The following ADAMTS19 variants were observed in gnomAD, a reference collection of about 807,000 sequenced individuals.
ADAMTS19 encodes A disintegrin and metalloproteinase with thrombospondin motifs 19.
Under a neutral mutation model 153.3 loss-of-function variants are expected in ADAMTS19, and 93 were observed. The observed-to-expected ratio is 0.61, with a 90% confidence interval of 0.51 to 0.72. The LOEUF is 0.72. Among genes scored for constraint, ADAMTS19 ranks in the 30% least tolerant of loss-of-function variants. The probability of loss-of-function intolerance (pLI) is 0.00; values close to 1 mark genes in which losing one functional copy is unlikely to be tolerated. For synonymous variants in ADAMTS19, 600 were observed against 556.6 expected (o/e 1.08, Z -1.10); for missense variants, 1,482 against 1,552.1 (o/e 0.95, Z 0.76).
intron 13 of ADAMTS19, 113 bp downstream of exon 13, chr5:129,649,083 T>C (rs1753198941): frequency 1.9e-6 from 2 of 1,060,056 alleles, no homozygotes; most frequent in South Asian, 1.9e-5. Flanking sequence ...TTCTGAACTT[T>C]AATTTTTTCT....
chr5:129,618,169 A>T (rs72790700), intron 8 of ADAMTS19, among the ~76,000 whole-genome samples: 10,032 of 152,150 alleles, frequency 0.066, 570 homozygotes, highest in African/African-American at 0.16. Context: ...CTGCCTTCTA[A>T]TATTTTAATT....
At chr5:129,460,987 T>A (rs1749627255) in intron 1 of ADAMTS19, 115 bp from the exon 2 acceptor site, 1 of 1,241,344 alleles carries the variant, frequency 8.1e-7, no homozygotes, top group East Asian at 3.3e-5. Context: ...AGACGGGTGG[T>A]CTCCATTGCA....
intron 8 of ADAMTS19, among the ~76,000 whole-genome samples, chr5:129,597,023 T>C (rs1426267297): frequency 3.9e-5 from 6 of 152,178 alleles, no homozygotes; most frequent in African/African-American, 1.2e-4. Flanking sequence ...AATTCCAGCC[T>C]ATGGTAGTAC....
rs1435524318 is a variant in ADAMTS19, at chr5:129,733,983, GTGTGTGTAA to G, written c.3313-947_3313-939del. Among the ~76,000 whole-genome samples the G allele has an allele frequency of 1.4e-4, 16 of 111,284 alleles. No homozygotes were observed. The South Asian group carries it at 3.8e-3, about 26-fold the overall frequency. The allele number at this position is 111,284 out of a possible 152,430, so 73.0% of individuals were successfully genotyped here. On this transcript the variant is annotated intron_variant, in intron 21 of 22. Transcript: ENST00000274487. ...TGTGTGTGTGTGTGTGTGTGTGTGT[GTGTGTGTAA>G]TAATATGCAGCCAAAAAAGAATGAA...
At chr5:129,701,238 C>T (rs539812742) in intron 19 of ADAMTS19, 150 bp from the exon 20 acceptor site, 4 of 836,572 alleles carry the variant, frequency 4.8e-6, no homozygotes, top group East Asian at 2.6e-5. Context: ...GTGAGGCCTC[C>T]CCAGCCACAT....
At chr5:129,706,264 G>A (rs1440110858) in intron 21 of ADAMTS19, among the ~76,000 whole-genome samples, 2 of 152,154 alleles carry the variant, frequency 1.3e-5, no homozygotes, top group Non-Finnish European at 2.9e-5. Flanking sequence ...CAACTTTGGT[G>A]ATAAATAGAA....
chr5:129,605,565 A>G (rs533230728), intron 8 of ADAMTS19, among the ~76,000 whole-genome samples: 1 of 152,286 alleles, frequency 6.6e-6, no homozygotes, highest in South Asian at 2.1e-4. Context: ...GTCTGGCCTT[A>G]TTCCCCTTTG....
chr5:129,516,263 CT>C (rs1479561674), intron 3 of ADAMTS19, among the ~76,000 whole-genome samples: 1 of 138,582 alleles, frequency 7.2e-6, no homozygotes, highest in East Asian at 2.3e-4. Context: ...ATTTATGTGT[CT>C]TTTTTTCTTT....
At chr5:129,611,093 G>A (rs922562868) in intron 8 of ADAMTS19, among the ~76,000 whole-genome samples, 2 of 152,188 alleles carry the variant, frequency 1.3e-5, no homozygotes, top group South Asian at 4.1e-4. Flanking sequence ...CTTCTTTTGA[G>A]AAGTGTCTGT....
Position 129,608,084 on chromosome 5 carries a change from A to ATG in ADAMTS19, c.1478+11421_1478+11422insGT, listed in dbSNP as rs1315224170. Among the ~76,000 whole-genome samples the ATG allele has an allele frequency of 4.0e-3, 75 of 18,534 alleles. 2 individuals carry two copies. The highest frequency in any genetic ancestry group is 0.042 in the Middle Eastern group (2 of 48). 12.2% of individuals were successfully genotyped at this position (18,534 alleles called of 152,430 possible). A position where few individuals can be genotyped will look rare whatever the true frequency, so the allele number is the denominator to read the frequency against. ...ATATTCATTATATAATTGGAATTTTATATATATGTGTGTGTGTGTGTGTGT... is the reference window on the plus strand; with the variant it reads ...ATATTCATTATATAATTGGAATTTTATGTATATATGTGTGTGTGTGTGTGTGT... On this transcript the variant is annotated intron_variant, in intron 8 of 22. Coordinates refer to ENST00000274487, the MANE Select transcript of ADAMTS19 (RefSeq NM_133638.6).
At chr5:129,460,728 C>G (rs1276477334) in intron 1 of ADAMTS19, 2 of 580,674 alleles carry the variant, frequency 3.4e-6, no homozygotes, top group Admixed American at 6.1e-5. Context: ...TGCAAAGGTA[C>G]GTTTACAGCA....
At chr5:129,546,834 C>T (rs1284195136) in intron 6 of ADAMTS19, among the ~76,000 whole-genome samples, 1 of 150,764 alleles carries the variant, frequency 6.6e-6, no homozygotes. Context: ...GCTACATAAG[C>T]CCTGATGGTT....
intron 21 of ADAMTS19, among the ~76,000 whole-genome samples, chr5:129,721,029 A>G (rs1336009867): frequency 2.0e-5 from 3 of 152,184 alleles, no homozygotes; most frequent in Admixed American, 6.5e-5. Flanking sequence ...CATTGACATC[A>G]TGGTTGACTA....
At chr5:129,663,508 G>A (rs182074299) in intron 15 of ADAMTS19, among the ~76,000 whole-genome samples, 3 of 152,264 alleles carry the variant, frequency 2.0e-5, no homozygotes, top group Admixed American at 1.3e-4. Flanking sequence ...CCATGTTCCT[G>A]TAAATGATGC....
chr5:129,559,791 T>C (rs988130284), intron 7 of ADAMTS19, among the ~76,000 whole-genome samples: 1 of 152,212 alleles, frequency 6.6e-6, no homozygotes, highest in African/African-American at 2.4e-5. Context: ...GTCCTTATTG[T>C]AGGCTGTTAC....
chr5:129,536,630 C>G (rs1425552157), intron 6 of ADAMTS19, among the ~76,000 whole-genome samples: 2 of 152,118 alleles, frequency 1.3e-5, no homozygotes, highest in African/African-American at 4.8e-5. Flanking sequence ...TACTGCGGCA[C>G]TATTCACAAT....
At position 129,673,550 on chromosome 5, in the gene ADAMTS19, A is replaced by G. The variant is rs541962938; in HGVS notation, c.2507-6214A>G. ...TTTCAATTTTGAGACCTCTTTTATA[A>G]CTTATGGCATCTATTGACCAATGAC... is the stretch of plus-strand genomic sequence containing the variant. On this transcript the variant is annotated intron_variant, in intron 16 of 22. Transcript: ENST00000274487. Among the ~76,000 whole-genome samples the G allele has an allele frequency of 3.4e-3, 512 of 152,246 alleles. 5 individuals are homozygous for G. Among genetic ancestry groups the G allele is most frequent in the African/African-American group, 0.012 (505 of 41,550 alleles).
At chr5:129,620,588 A>C (rs760340833) in intron 8 of ADAMTS19, 30 bp from the exon 9 acceptor site, 1 of 1,491,526 alleles carries the variant, frequency 6.7e-7, no homozygotes. Flanking sequence ...CTTAGTGTAA[A>C]TTTTAAAATT....
At chr5:129,732,813 A>T (rs564369464) in intron 21 of ADAMTS19, among the ~76,000 whole-genome samples, 3 of 152,122 alleles carry the variant, frequency 2.0e-5, no homozygotes, top group Non-Finnish European at 4.4e-5. Context: ...GGGAAAAAAA[A>T]TCCTGAAATT....
Sources: gnomAD v4.1 joint callset for allele counts (sites outside exome capture counted in the v4.1 genomes callset) on GRCh38, gnomAD v4.1.1 for gene constraint, MANE v1.5 for transcripts, NCBI Gene and HGNC (gene_info 2026-07-23, HGNC 2026-07-21) for gene names.